The following RBFOX1 variants were observed in gnomAD, a reference collection of about 807,000 sequenced individuals.
The protein encoded by RBFOX1 is RNA binding fox-1 homolog 1.
Under a neutral mutation model 57.7 loss-of-function variants are expected in RBFOX1, and 8 were observed. The observed-to-expected ratio is 0.14, with a 90% CI of 0.08 to 0.25. The LOEUF (loss-of-function observed/expected upper bound fraction) is 0.25, where lower values mean the gene tolerates loss of function less well. Among genes scored for constraint, RBFOX1 ranks in the 10% least tolerant of loss-of-function variants. The probability of loss-of-function intolerance (pLI) is 1.00; values close to 1 mark genes in which losing one functional copy is unlikely to be tolerated. For missense variants in RBFOX1, 611 were observed against 548.5 expected (o/e 1.11, Z -1.14); for synonymous variants, 326 against 222.4 (o/e 1.47, Z -4.15).
intron 3 of RBFOX1, among the ~76,000 whole-genome samples, chr16:6,939,957 T>A (rs1158958940): frequency 1.3e-5 from 2 of 152,192 alleles, no homozygotes; most frequent in Non-Finnish European, 2.9e-5. Context: ...AGGAATGACA[T>A]GGGTGGAATT....
At chr16:7,563,197 G>T (rs529435563) in intron 5 of RBFOX1, among the ~76,000 whole-genome samples, 11 of 152,258 alleles carry the variant, frequency 7.2e-5, no homozygotes, top group Non-Finnish European at 1.6e-4. Flanking sequence ...TTATTAAATG[G>T]CAATGAAGTA....
intron 1 of RBFOX1, among the ~76,000 whole-genome samples, chr16:6,081,984 A>C (rs112070012): frequency 2.6e-5 from 4 of 152,172 alleles, no homozygotes; most frequent in African/African-American, 9.6e-5. Flanking sequence ...GTGTGTGGTT[A>C]ATATTTTGAG....
chr16:5,457,049 G>A (rs1361574278), intron 1 of RBFOX1, among the ~76,000 whole-genome samples: 1 of 152,200 alleles, frequency 6.6e-6, no homozygotes, highest in East Asian at 1.9e-4. Context: ...CGGCCGGTTT[G>A]GTTCCAGGGG....
intron 3 of RBFOX1, among the ~76,000 whole-genome samples, chr16:6,718,216 A>G (rs1393965015): frequency 6.6e-6 from 1 of 152,170 alleles, no homozygotes; most frequent in African/African-American, 2.4e-5. Flanking sequence ...TAATAACAGC[A>G]ATTAATGTTT....
At chr16:5,378,377 C>T (rs913325407) in intron 1 of RBFOX1, among the ~76,000 whole-genome samples, 5 of 151,584 alleles carry the variant, frequency 3.3e-5, no homozygotes, top group Admixed American at 6.5e-5. Context: ...TTGCCATCCT[C>T]GTTTCCACTC....
At chr16:7,369,317 G>C (rs1596625441) in intron 4 of RBFOX1, among the ~76,000 whole-genome samples, 1 of 152,230 alleles carries the variant, frequency 6.6e-6, no homozygotes, top group South Asian at 2.1e-4. Context: ...GTTGTTGCAT[G>C]CTTCATCCAG....
At chr16:6,418,262 G>T (rs1454428046) in intron 2 of RBFOX1, among the ~76,000 whole-genome samples, 1 of 152,166 alleles carries the variant, frequency 6.6e-6, no homozygotes, top group East Asian at 1.9e-4. Context: ...GCCGGGTCTG[G>T]AAATAAATCT....
At chr16:6,111,003 A>G (rs7196040) in intron 1 of RBFOX1, among the ~76,000 whole-genome samples, 4,873 of 152,220 alleles carry the variant, frequency 0.032, 245 homozygotes, top group African/African-American at 0.11. Context: ...CAGCATATTT[A>G]TGAGGGTTCA....
chr16:6,462,502 C>G (rs944862481), intron 2 of RBFOX1, among the ~76,000 whole-genome samples: 1 of 152,172 alleles, frequency 6.6e-6, no homozygotes, highest in Non-Finnish European at 1.5e-5. Flanking sequence ...CATCCTTCCA[C>G]TGATGTTCTT....
At chr16:6,692,238 C>G (rs2060305210) in intron 3 of RBFOX1, among the ~76,000 whole-genome samples, 1 of 152,082 alleles carries the variant, frequency 6.6e-6, no homozygotes, top group East Asian at 1.9e-4. Context: ...CAGTGACCTC[C>G]CTGTAAGATC....
chr16:7,429,052 C>T (rs1036871115), intron 4 of RBFOX1, among the ~76,000 whole-genome samples: 16 of 152,152 alleles, frequency 1.1e-4, no homozygotes, highest in African/African-American at 3.6e-4. Flanking sequence ...GAAAGGTGAC[C>T]TGTCTTGTGG....
intron 1 of RBFOX1, among the ~76,000 whole-genome samples, chr16:5,413,211 A>C (rs1046840804): frequency 6.6e-6 from 1 of 152,172 alleles, no homozygotes; most frequent in Non-Finnish European, 1.5e-5. Context: ...TAAGAAAAAA[A>C]ACCTGGCATT....
At chr16:7,409,535 A>G (rs1422332827) in intron 4 of RBFOX1, among the ~76,000 whole-genome samples, 2 of 152,198 alleles carry the variant, frequency 1.3e-5, no homozygotes, top group Non-Finnish European at 2.9e-5. Context: ...GGTTTCGATT[A>G]TTTTGCACTA....
intron 3 of RBFOX1, among the ~76,000 whole-genome samples, chr16:6,997,248 T>C (rs1194921945): frequency 1.3e-5 from 2 of 152,100 alleles, no homozygotes; most frequent in Non-Finnish European, 2.9e-5. Context: ...CTAGAGTGAT[T>C]TGACTCAACT....
chr16:5,354,839 C>T (rs887719263), intron 1 of RBFOX1, among the ~76,000 whole-genome samples: 6 of 152,232 alleles, frequency 3.9e-5, no homozygotes, highest in African/African-American at 1.4e-4. Context: ...GCAGCAGCCA[C>T]TTGTCACCAT....
intron 4 of RBFOX1, among the ~76,000 whole-genome samples, chr16:7,121,833 C>T (rs541240408): frequency 2.2e-4 from 33 of 151,952 alleles, no homozygotes; most frequent in Middle Eastern, 3.2e-3. Flanking sequence ...GGAGAAGACA[C>T]ATTAATCAAC....
At chr16:7,303,187 C>T (rs963517468) in intron 4 of RBFOX1, among the ~76,000 whole-genome samples, 2 of 152,136 alleles carry the variant, frequency 1.3e-5, no homozygotes, top group Non-Finnish European at 2.9e-5. Flanking sequence ...TTCGCTGGCT[C>T]GGGGCTGCCT....
chr16:7,188,551 C>T (rs2084496472), intron 4 of RBFOX1, among the ~76,000 whole-genome samples: 1 of 152,130 alleles, frequency 6.6e-6, no homozygotes, highest in Non-Finnish European at 1.5e-5. Context: ...CCCCATCACC[C>T]ACCTCGTTCC....
intron 4 of RBFOX1, among the ~76,000 whole-genome samples, chr16:7,286,950 A>T (rs1361464187): frequency 1.3e-5 from 2 of 152,096 alleles, no homozygotes; most frequent in Non-Finnish European, 2.9e-5. Flanking sequence ...ACTTTAAAGA[A>T]GATACTGCTT....
Sources: allele counts gnomAD v4.1 joint callset (sites outside exome capture counted in the v4.1 genomes callset), GRCh38; gene constraint gnomAD v4.1.1; transcripts MANE v1.5; gene names NCBI Gene and HGNC (gene_info 2026-07-23, HGNC 2026-07-21).